Variants in KLF12 observed in about 807,000 individuals in gnomAD.
KLF12 encodes the protein Krueppel-like factor 12.
In KLF12, 9 loss-of-function variants were observed where a neutral mutation model predicts 37.8. The ratio of observed to expected loss-of-function variants is 0.24; its 90% CI spans 0.14 to 0.42. The LOEUF is 0.42. KLF12 is among the 10% of genes least tolerant of loss of function. The pLI, the probability that KLF12 is intolerant of heterozygous loss-of-function variation, is 1.00. For missense variants in KLF12, 411 were observed against 516.0 expected, an observed-to-expected ratio of 0.80 and a Z score of 1.97; for synonymous variants, 208 against 202.1, an observed-to-expected ratio of 1.03 and a Z score of -0.25.
At chr13:73,850,878 A>G (rs1233314127) in intron 3 of KLF12, among the ~76,000 whole-genome samples, 2 of 152,238 alleles carry the variant, frequency 1.3e-5, no homozygotes, top group African/African-American at 2.4e-5. Flanking sequence ...CTAACATTAC[A>G]TAGCTCATGG....
chr13:73,740,942 C>T (rs1649530959), intron 6 of KLF12, among the ~76,000 whole-genome samples: 1 of 152,152 alleles, frequency 6.6e-6, no homozygotes, highest in South Asian at 2.1e-4. Flanking sequence ...ACGCAGTTTA[C>T]ACACCCTGAA....
At chr13:74,063,887 C>T (rs1873753028) in intron 1 of KLF12, among the ~76,000 whole-genome samples, 1 of 152,160 alleles carries the variant, frequency 6.6e-6, no homozygotes, top group Admixed American at 6.5e-5. Flanking sequence ...TTTCCTAATT[C>T]AGTGCTGTGC....
At chr13:73,813,995 G>A (rs1883082185) in intron 4 of KLF12, among the ~76,000 whole-genome samples, 1 of 152,166 alleles carries the variant, frequency 6.6e-6, no homozygotes, top group Non-Finnish European at 1.5e-5. Context: ...TCTGACCCCT[G>A]TTGACCAAGA....
chr13:74,198,820 A>G, the KLF12 span, among the ~76,000 whole-genome samples: 1 of 152,142 alleles, frequency 6.6e-6, no homozygotes, highest in African/African-American at 2.4e-5. Context: ...AACTCTGCAC[A>G]CACCTGAGTC....
chr13:73,825,236 T>C (rs1261244323), intron 4 of KLF12, among the ~76,000 whole-genome samples: 1 of 152,180 alleles, frequency 6.6e-6, no homozygotes, highest in Middle Eastern at 3.2e-3. Context: ...ATGACTTCCT[T>C]GGGCTTCAGG....
intron 3 of KLF12, among the ~76,000 whole-genome samples, chr13:73,921,217 T>C (rs965018134): frequency 3.9e-5 from 6 of 152,222 alleles, no homozygotes; most frequent in African/African-American, 7.2e-5. Context: ...TGATGTTTCA[T>C]ACTTGGTGTG....
intron 4 of KLF12, among the ~76,000 whole-genome samples, chr13:73,829,624 G>A (rs1032015198): frequency 1.3e-5 from 2 of 152,092 alleles, no homozygotes; most frequent in Admixed American, 1.3e-4. Flanking sequence ...ATATGCCCGG[G>A]TATCAGATGG....
chr13:73,883,979 T>G (rs1177968523), intron 3 of KLF12, among the ~76,000 whole-genome samples: 6 of 152,140 alleles, frequency 3.9e-5, no homozygotes, highest in Non-Finnish European at 8.8e-5. Context: ...CAGCCTGCCT[T>G]TCTGAGGTAC....
At chr13:73,730,544 AATAATT>A (rs1300691297) in intron 6 of KLF12, among the ~76,000 whole-genome samples, 7 of 152,150 alleles carry the variant, frequency 4.6e-5, no homozygotes, top group South Asian at 4.1e-4. Flanking sequence ...ATATGTAAAT[AATAATT>A]ATATCAGGCA....
intron 5 of KLF12, among the ~76,000 whole-genome samples, chr13:73,774,686 T>C (rs188458037): frequency 4.6e-5 from 7 of 152,284 alleles, no homozygotes; most frequent in Admixed American, 3.9e-4. Flanking sequence ...TTTTGCAACT[T>C]TTACATTCTC....
intron 6 of KLF12, among the ~76,000 whole-genome samples, chr13:73,763,754 A>G (rs143997504): frequency 1.6e-3 from 239 of 152,252 alleles, no homozygotes; most frequent in African/African-American, 5.5e-3. Flanking sequence ...TTCCTTTCAC[A>G]TAATGATCAT....
At chr13:73,789,624 C>G (rs1386050158) in intron 5 of KLF12, among the ~76,000 whole-genome samples, 3 of 151,986 alleles carry the variant, frequency 2.0e-5, no homozygotes, top group African/African-American at 7.3e-5. Context: ...TAAAAGTTTC[C>G]CAGTTAGGGC....
chr13:74,019,206 C>A (rs1413889425), intron 1 of KLF12, among the ~76,000 whole-genome samples: 1 of 152,082 alleles, frequency 6.6e-6, no homozygotes, highest in African/African-American at 2.4e-5. Flanking sequence ...GTTTTAAATA[C>A]AAATATGCAG....
intron 1 of KLF12, among the ~76,000 whole-genome samples, chr13:74,072,406 T>TATAA (rs1487459834): frequency 9.2e-5 from 11 of 119,726 alleles, no homozygotes; most frequent in South Asian, 2.6e-4. Context: ...TATATATATA[T>TATAA]AAAAGATTAT....
chr13:74,070,087 G>A (rs1874141011), intron 1 of KLF12, among the ~76,000 whole-genome samples: 1 of 152,116 alleles, frequency 6.6e-6, no homozygotes, highest in African/African-American at 2.4e-5. Context: ...ATGATGTAAG[G>A]GCAAATAGAG....
At chr13:74,058,663 T>C (rs1197218329) in intron 1 of KLF12, among the ~76,000 whole-genome samples, 1 of 152,126 alleles carries the variant, frequency 6.6e-6, no homozygotes, top group Non-Finnish European at 1.5e-5. Flanking sequence ...AAATAATATA[T>C]GCAAAAGTAA....
At chr13:74,194,150 A>G in the KLF12 span, among the ~76,000 whole-genome samples, 1 of 152,206 alleles carries the variant, frequency 6.6e-6, no homozygotes. Context: ...GGTGCATGAT[A>G]TATAACACTT....
intron 3 of KLF12, among the ~76,000 whole-genome samples, chr13:73,917,155 A>C (rs1888887548): frequency 6.6e-6 from 1 of 152,228 alleles, no homozygotes; most frequent in African/African-American, 2.4e-5. Flanking sequence ...GCCCTGCCTT[A>C]AAAGGAAACA....
chr13:74,225,418 C>A, the KLF12 span, among the ~76,000 whole-genome samples: 2,254 of 152,182 alleles, frequency 0.015, 56 homozygotes, highest in African/African-American at 0.052. Flanking sequence ...CAAAATATTC[C>A]TTGCAGATAA....
Sources: gnomAD v4.1 joint callset for allele counts (sites outside exome capture counted in the v4.1 genomes callset) on GRCh38, gnomAD v4.1.1 for gene constraint, MANE v1.5 for transcripts, NCBI Gene and HGNC (gene_info 2026-07-23, HGNC 2026-07-21) for gene names.